The following NEDD4L variants were observed in gnomAD, a reference collection of about 807,000 sequenced individuals.
NEDD4L encodes E3 ubiquitin-protein ligase NEDD4-like.
A neutral mutation model predicts 148.9 loss-of-function variants in NEDD4L; 54 were observed. The observed-to-expected ratio is 0.36, with a 90% CI of 0.29 to 0.45. The LOEUF (loss-of-function observed/expected upper bound fraction) is 0.45, where lower values mean the gene tolerates loss of function less well. Ranked by LOEUF, NEDD4L falls within the 20% of genes least tolerant of loss-of-function variation. The probability of loss-of-function intolerance (pLI) is 1.00; values close to 1 mark genes in which losing one functional copy is unlikely to be tolerated. For synonymous variants in NEDD4L, 433 were observed against 440.7 expected, an observed-to-expected ratio of 0.98 and a Z score of 0.22; for missense variants, 856 against 1,233.8, an observed-to-expected ratio of 0.69 and a Z score of 4.59.
At chr18:58,375,016 A>T (rs535467849) in intron 24 of NEDD4L, among the ~76,000 whole-genome samples, 1 of 151,982 alleles carries the variant, frequency 6.6e-6, no homozygotes, top group African/African-American at 2.4e-5. Flanking sequence ...CCAGTGCTAA[A>T]GCCACTTTTT....
Position 58,156,069 on chromosome 18 carries a change from G to A in NEDD4L, c.49-9719G>A, listed in dbSNP as rs539594512. Among the ~76,000 whole-genome samples, 3 of 152,338 alleles carry A rather than the reference G, an allele frequency of 2.0e-5. No individual in the cohort carries two copies. The South Asian group carries it at 6.2e-4, about 32-fold the overall frequency. On this transcript the variant is annotated intron_variant, in intron 1 of 30. Transcript: ENST00000400345. ...TCAGTGCTGTTTTGGGTGCACTTTT[G>A]TGGAGGATTCAAGCTGGTCCTTAGC...
chr18:58,078,013 G>C (rs909553820), intron 1 of NEDD4L, among the ~76,000 whole-genome samples: 5 of 62,348 alleles, frequency 8.0e-5, no homozygotes, highest in Non-Finnish European at 3.0e-5. Flanking sequence ...GCTGAGAAAC[G>C]TATTTTTTTT....
intron 5 of NEDD4L, among the ~76,000 whole-genome samples, chr18:58,281,250 T>A (rs1180385756): frequency 6.6e-6 from 1 of 152,106 alleles, no homozygotes; most frequent in Non-Finnish European, 1.5e-5. Flanking sequence ...ACTGCTGGGA[T>A]TACAAGTGTA....
chr18:58,044,521 G>T lies in NEDD4L; in HGVS notation c.-140G>T. ...CTCTCGGGCACCCTCACCTGCCGGC[G>T]CCCGGCCGCTTACCCGGCAGGGCGT... On this transcript the variant is annotated 5_prime_UTR_variant, in exon 1 of 31. Coordinates refer to ENST00000400345, the MANE Select transcript of NEDD4L (RefSeq NM_001144967.3). The T allele has an allele frequency of 8.4e-7, 1 of 1,191,636 alleles. No individual in the cohort carries two copies. The highest frequency in any genetic ancestry group is 3.3e-5 in the East Asian group (1 of 30,680). 73.8% of individuals were successfully genotyped at this position (1,191,636 alleles called of 1,614,324 possible).
chr18:58,084,146 A>G (rs187212873), intron 1 of NEDD4L, among the ~76,000 whole-genome samples: 87 of 152,312 alleles, frequency 5.7e-4, no homozygotes, highest in East Asian at 3.9e-4. Context: ...AAGACCACAT[A>G]TTGTGTGATT....
At chr18:58,167,678 A>G (rs1375315121) in intron 2 of NEDD4L, among the ~76,000 whole-genome samples, 1 of 152,124 alleles carries the variant, frequency 6.6e-6, no homozygotes, top group Admixed American at 6.5e-5. Context: ...TCTTTTTAAT[A>G]TCTTTCTCCT....
chr18:58,195,430 G>T, intron 2 of NEDD4L: 1 of 1,311,924 alleles, frequency 7.6e-7, no homozygotes, highest in African/African-American at 1.5e-5. Flanking sequence ...CCCGATTCGA[G>T]AGAGGCAGGC....
At chr18:58,092,308 G>A (rs114224342) in intron 1 of NEDD4L, among the ~76,000 whole-genome samples, 14 of 152,336 alleles carry the variant, frequency 9.2e-5, no homozygotes, top group African/African-American at 3.1e-4. Flanking sequence ...GTGATGGCAT[G>A]CTGCATTCAG....
At chr18:58,047,312 C>G in intron 1 of NEDD4L, 1 of 984,142 alleles carries the variant, frequency 1.0e-6, no homozygotes, top group South Asian at 4.7e-5. Flanking sequence ...AAAGTAGATT[C>G]GTATTTTGAT....
chr18:58,351,083 G>A, intron 18 of NEDD4L, 38 bp downstream of exon 18: 2 of 1,563,392 alleles, frequency 1.3e-6, no homozygotes, highest in East Asian at 2.3e-5. Context: ...GGTGTTGTGG[G>A]TTAGAGGGAA....
At chr18:58,291,101 G>C (rs1053389798) in intron 5 of NEDD4L, among the ~76,000 whole-genome samples, 2 of 150,700 alleles carry the variant, frequency 1.3e-5, no homozygotes, top group South Asian at 2.1e-4. Context: ...TGGTCACACA[G>C]AGAACCAGGC....
chr18:58,231,447 G>C (rs979543531), intron 2 of NEDD4L, among the ~76,000 whole-genome samples: 1 of 151,998 alleles, frequency 6.6e-6, no homozygotes, highest in Non-Finnish European at 1.5e-5. Flanking sequence ...CCAAGGCCAT[G>C]GGGGGAAAGC....
At chr18:58,113,826 G>A (rs548464927) in intron 1 of NEDD4L, among the ~76,000 whole-genome samples, 45 of 152,264 alleles carry the variant, frequency 3.0e-4, no homozygotes, top group Non-Finnish European at 5.3e-4. Context: ...GATTGGGGGT[G>A]TGGGGTTGGT....
At chr18:58,294,308 T>A in intron 5 of NEDD4L, among the ~76,000 whole-genome samples, 1 of 152,168 alleles carries the variant, frequency 6.6e-6, no homozygotes, top group East Asian at 1.9e-4. Flanking sequence ...TGAATTTGGT[T>A]TGGCACTGAC....
At chr18:58,368,922 G>T (rs764577401) in intron 22 of NEDD4L, among the ~76,000 whole-genome samples, 2 of 152,342 alleles carry the variant, frequency 1.3e-5, no homozygotes, top group African/African-American at 2.4e-5. Context: ...TTCTCAGAAG[G>T]TCAGTTTAGT....
At chr18:58,184,800 C>T (rs571082357) in intron 2 of NEDD4L, among the ~76,000 whole-genome samples, 84 of 151,994 alleles carry the variant, frequency 5.5e-4, no homozygotes, top group Admixed American at 3.7e-3. Flanking sequence ...TGGCGGCGGG[C>T]GCCTGTAGTC....
chr18:58,356,683 A>G (rs1344909449), intron 18 of NEDD4L, among the ~76,000 whole-genome samples: 2 of 152,244 alleles, frequency 1.3e-5, no homozygotes, highest in African/African-American at 2.4e-5. Context: ...TTTTGTGTGC[A>G]TATGAGTGAC....
intron 1 of NEDD4L, among the ~76,000 whole-genome samples, chr18:58,124,734 T>TA (rs1303669860): frequency 4.6e-5 from 7 of 152,174 alleles, no homozygotes; most frequent in African/African-American, 1.7e-4. Flanking sequence ...GGTTTCTCAG[T>TA]AAAAAAACAA....
intron 1 of NEDD4L, among the ~76,000 whole-genome samples, chr18:58,147,307 A>G (rs2034194801): frequency 6.6e-6 from 1 of 151,836 alleles, no homozygotes; most frequent in South Asian, 2.1e-4. Context: ...GCCCCATGGG[A>G]TGTTCCCTGC....
Sources: gnomAD v4.1 joint callset for allele counts (sites outside exome capture counted in the v4.1 genomes callset) on GRCh38, gnomAD v4.1.1 for gene constraint, MANE v1.5 for transcripts, NCBI Gene and HGNC (gene_info 2026-07-23, HGNC 2026-07-21) for gene names.